The following ARID1A variants were observed in gnomAD, a reference collection of about 807,000 sequenced individuals.
ARID1A encodes AT-rich interaction domain 1A, also known as AT-rich interactive domain-containing protein 1A.
A neutral mutation model predicts 212.6 loss-of-function variants in ARID1A; 20 were observed. That is an observed-to-expected ratio of 0.09 (90% CI 0.07 to 0.14). The LOEUF is 0.14. ARID1A is among the 10% of genes least tolerant of loss of function. The probability of loss-of-function intolerance (pLI) is 1.00; values close to 1 mark genes in which losing one functional copy is unlikely to be tolerated. For synonymous variants in ARID1A, 1,376 were observed against 1,222.1 expected, an observed-to-expected ratio of 1.13 and a Z score of -2.63; for missense variants, 2,587 against 3,059.0, an observed-to-expected ratio of 0.85 and a Z score of 3.64.
At chr1:26,723,998 AC>A (rs758436076) in intron 1 of ARID1A, among the ~76,000 whole-genome samples, 1 of 152,046 alleles carries the variant, frequency 6.6e-6, no homozygotes, top group Non-Finnish European at 1.5e-5. Flanking sequence ...TTCCTTAACT[AC>A]CGCTCTCTGA....
At chr1:26,737,838 C>A (rs2080748694) in intron 4 of ARID1A, among the ~76,000 whole-genome samples, 1 of 151,118 alleles carries the variant, frequency 6.6e-6, no homozygotes, top group South Asian at 2.1e-4. Flanking sequence ...ACACTCCAGC[C>A]TGGGCTACAA....
At chr1:26,724,466 C>T (rs2080597759) in intron 1 of ARID1A, among the ~76,000 whole-genome samples, 1 of 152,112 alleles carries the variant, frequency 6.6e-6, no homozygotes, top group Non-Finnish European at 1.5e-5. Flanking sequence ...GTGCCACTGC[C>T]ACGGGTGGTA....
chr1:26,771,427 AG>A lies in ARID1A; in HGVS notation c.3406+103del. ...GAGGCTTATCCAACAGGATATGCCA[AG>A]GATCTGTGCTCTGCCTTGCCCTACC... is the stretch of plus-strand genomic sequence containing the variant. On this transcript the variant is annotated intron_variant, in intron 12 of 19. Coordinates refer to ENST00000324856, the MANE Select transcript of ARID1A (RefSeq NM_006015.6). The surrounding 1 kb of genome is among the most constrained non-coding windows in gnomAD (Gnocchi z 5.4). 2 of 1,287,256 alleles carry A rather than the reference AG, an allele frequency of 1.6e-6. No homozygotes were observed. Among genetic ancestry groups the A allele is most frequent in the Non-Finnish European group, 2.2e-6 (2 of 922,366 alleles). The allele number at this position is 1,287,256 out of a possible 1,614,324, so 79.7% of individuals were successfully genotyped here.
Position 26,696,212 on chromosome 1 carries a change from G to A in ARID1A, c.-192G>A, listed in dbSNP as rs1426902297. ...CGCCGCCGCCTCCTCCTCCTCCGCCGCCGCCAGCCCGGAGCCTGAGCCGGC... is the reference window on the plus strand; with the variant it reads ...CGCCGCCGCCTCCTCCTCCTCCGCCACCGCCAGCCCGGAGCCTGAGCCGGC... On this transcript the variant is annotated 5_prime_UTR_variant, in exon 1 of 20. Coordinates refer to ENST00000324856, the MANE Select transcript of ARID1A (RefSeq NM_006015.6). 4 of 779,726 alleles carry A rather than the reference G, an allele frequency of 5.1e-6. No homozygotes were observed. Among genetic ancestry groups the A allele is most frequent in the Admixed American group, 5.0e-5 (1 of 20,124 alleles). 48.3% of individuals were successfully genotyped at this position (779,726 alleles called of 1,614,324 possible). A position where few individuals can be genotyped will look rare whatever the true frequency, so the allele number is the denominator to read the frequency against.
chr1:26,767,739 A>G, intron 10 of ARID1A, 51 bp from the exon 11 acceptor site: 1 of 1,513,466 alleles, frequency 6.6e-7, no homozygotes. Flanking sequence ...GACCCTTAGC[A>G]CAGGCTTTGA....
intron 1 of ARID1A, among the ~76,000 whole-genome samples, chr1:26,700,813 A>G (rs747666008): frequency 2.6e-5 from 4 of 152,242 alleles, no homozygotes; most frequent in Non-Finnish European, 5.9e-5. Flanking sequence ...TCTCTCAAGT[A>G]GGAGGGACCA....
chr1:26,738,760 C>T lies in ARID1A; in HGVS notation c.1920+5968C>T, dbSNP rs745947737. Among the ~76,000 whole-genome samples, 7 of 151,952 alleles carry T rather than the reference C, an allele frequency of 4.6e-5. No individual in the cohort carries two copies. In the South Asian group the frequency reaches 6.2e-4, roughly 14 times the overall value. ...TTTTAGTAGAGACAGGGTTTCACCA[C>T]GTTGGCCAGGCTGGTTTCGAACTCC... is the stretch of plus-strand genomic sequence containing the variant. On this transcript the variant is annotated intron_variant, in intron 4 of 19. Transcript: ENST00000324856.
chr1:26,696,711 C>G lies in ARID1A; in HGVS notation c.308C>G (p.Ser103Trp). 2 of 1,366,908 alleles carry G rather than the reference C, an allele frequency of 1.5e-6. No homozygotes were observed. The highest frequency in any genetic ancestry group is 1.9e-6 in the Non-Finnish European group (2 of 1,060,428). 84.7% of individuals were successfully genotyped at this position (1,366,908 alleles called of 1,614,324 possible). A position where few individuals can be genotyped will look rare whatever the true frequency, so the allele number is the denominator to read the frequency against. The change falls in exon 1 of 20, where the codon TCG (serine) becomes TGG (tryptophan). Residue 103 changes from serine to tryptophan, a missense_variant. Physicochemically the swap from Ser to Trp is radical, Grantham distance 177. Transcript: ENST00000324856. The stretch of plus-strand genomic sequence containing the variant: ...GGCGCGGAGCCGGACCTGAAGAACT[C>G]GAACGGGAACGCGGGCCCTAGGCCC... ...GPGAEPDLKN[S>W]NGNAGPRPAL...
intron 4 of ARID1A, among the ~76,000 whole-genome samples, chr1:26,736,902 CAAA>C (rs35005598): frequency 4.8e-4 from 24 of 49,880 alleles, no homozygotes; most frequent in African/African-American, 8.8e-4. Flanking sequence ...AATTCTGTCT[CAAA>C]AAAAAAAAAA....
At chr1:26,741,104 A>G (rs2080783464) in intron 4 of ARID1A, among the ~76,000 whole-genome samples, 2 of 152,218 alleles carry the variant, frequency 1.3e-5, no homozygotes, top group African/African-American at 2.4e-5. Context: ...TAGTTAAACC[A>G]TAGAATGAAA....
At position 26,774,099 on chromosome 1, in the gene ARID1A, C is replaced by G; in HGVS notation, c.4101+201C>G. 9.2e-7 allele frequency: 1 copy of G among 1,091,608 alleles called. No individual in the cohort carries two copies. The highest frequency in any genetic ancestry group is 3.1e-5 in the Admixed American group (1 of 32,156). 67.6% of individuals were successfully genotyped at this position (1,091,608 alleles called of 1,614,324 possible). On this transcript the variant is annotated intron_variant, in intron 17 of 19. Coordinates refer to ENST00000324856, the MANE Select transcript of ARID1A (RefSeq NM_006015.6). The surrounding 1 kb of genome is among the most constrained non-coding windows in gnomAD (Gnocchi z 5.6). ...GAGTTGGAAGGGGCTAGAAATAGAC[C>G]TTATTTTGATTTTTAGGTTTTGTAT...
At position 26,775,690 on chromosome 1, in the gene ARID1A, A is replaced by G. The variant is rs2081128339; in HGVS notation, c.5107A>G (p.Thr1703Ala). 1.2e-6 allele frequency: 2 copies of G among 1,614,080 alleles called. No homozygotes were observed. Among genetic ancestry groups the G allele is most frequent in the Non-Finnish European group, 1.7e-6 (2 of 1,180,042 alleles). Residue 1703 changes from threonine to alanine, a missense_variant, in exon 19 of 20, where the codon ACC becomes GCC. By Grantham distance (58) the Thr-to-Ala change is moderately conservative (BLOSUM62 0). This residue lies in a region of ARID1A where 890 missense variants were observed against 1,098.2 expected (regional missense o/e 0.81). Coordinates refer to ENST00000324856, the MANE Select transcript of ARID1A (RefSeq NM_006015.6). ...ILLYDDNSIM[T>A]FNLSQLPGLL... ...GCTGTATGATGACAACAGCATCATG[A>G]CCTTCAACCTCAGTCAGGTGAGTAT...
At position 26,697,249 on chromosome 1, in the gene ARID1A, C is replaced by T. The variant is rs1570540399; in HGVS notation, c.846C>T (p.Ala282=). The stretch of plus-strand genomic sequence containing the variant: ...TGGGGGGAGGCGGCCCCTCCGCGGC[C>T]GGCGGGGGAACTCCCCAGCCCACCG... ...GAMGGGGPSA[A]GGGTPQPTAT... Residue 282 remains alanine, a synonymous_variant, in exon 1 of 20, where the codon GCC becomes GCT. Coordinates refer to ENST00000324856, the MANE Select transcript of ARID1A (RefSeq NM_006015.6). The T allele has an allele frequency of 2.2e-6, 3 of 1,372,370 alleles. No individual in the cohort carries two copies. The highest frequency in any genetic ancestry group is 3.0e-5 in the East Asian group (1 of 33,072). The allele number at this position is 1,372,370 out of a possible 1,614,324, so 85.0% of individuals were successfully genotyped here.
In ARID1A at chr1:26,697,459, G is replaced by C. The variant is rs767086782; in HGVS notation, c.1056G>C (p.Gly352=). The change falls in exon 1 of 20, where the codon GGG becomes GGC. Residue 352 remains glycine (G), a synonymous_variant. Coordinates refer to ENST00000324856, the MANE Select transcript of ARID1A (RefSeq NM_006015.6). ...CTGCGGCGGCGGCCGCCTCGGGAGG[G>C]GCCCAACAAAGGAGCCACCACGCGC... The part of the protein sequence containing the change: ...AAAAAAAASG[G]AQQRSHHAPM... 5 of 1,381,948 alleles carry C rather than the reference G, an allele frequency of 3.6e-6. No individual in the cohort carries two copies. The highest frequency in any genetic ancestry group is 4.6e-6 in the Non-Finnish European group (5 of 1,077,592). 85.6% of individuals were successfully genotyped at this position (1,381,948 alleles called of 1,614,324 possible). A position where few individuals can be genotyped will look rare whatever the true frequency, so the allele number is the denominator to read the frequency against.
At position 26,697,545 on chromosome 1, in the gene ARID1A, A is replaced by G; in HGVS notation, c.1137+5A>G. The G allele has an allele frequency of 7.3e-7, 1 of 1,363,024 alleles. No homozygotes were observed. Among genetic ancestry groups the G allele is most frequent in the Non-Finnish European group, 9.4e-7 (1 of 1,067,732 alleles). 84.4% of individuals were successfully genotyped at this position (1,363,024 alleles called of 1,614,324 possible). A position where few individuals can be genotyped will look rare whatever the true frequency, so the allele number is the denominator to read the frequency against. On this transcript the variant is annotated splice_donor_5th_base_variant and intron_variant, in intron 1 of 19. Transcript: ENST00000324856. ...CCGCTCGCCCGGACCCCTCAGGTAC[A>G]CAGCTGAGTGGGGAGGGGGCTGGGG...
Position 26,780,904 on chromosome 1 carries a change from G to GT in ARID1A, c.*151dup. ...TCTCCCTTGGGAAAAAGTCTCTCCTGTTTCTCTCTCCTCCTTCCACCTCCC... is the reference window on the plus strand; with the variant it reads ...TCTCCCTTGGGAAAAAGTCTCTCCTGTTTTCTCTCTCCTCCTTCCACCTCCC... On this transcript the variant is annotated 3_prime_UTR_variant, in exon 20 of 20. Transcript: ENST00000324856. This position sits in a 1 kb window ranked among gnomAD's most constrained non-coding sequence, Gnocchi z 7.2. 1 of 1,165,898 alleles carries GT rather than the reference G, an allele frequency of 8.6e-7. No homozygotes were observed. The highest frequency in any genetic ancestry group is 2.5e-5 in the East Asian group (1 of 39,648). 72.2% of individuals were successfully genotyped at this position (1,165,898 alleles called of 1,614,324 possible).
intron 1 of ARID1A, among the ~76,000 whole-genome samples, chr1:26,711,539 T>C (rs1397136110): frequency 6.6e-6 from 1 of 152,156 alleles, no homozygotes; most frequent in Non-Finnish European, 1.5e-5. Context: ...CGTTGGAGGT[T>C]AGGGCTTCAA....
At chr1:26,725,564 G>C (rs1224822817) in intron 1 of ARID1A, among the ~76,000 whole-genome samples, 1 of 152,176 alleles carries the variant, frequency 6.6e-6, no homozygotes, top group Non-Finnish European at 1.5e-5. Context: ...AGCCTTTTGT[G>C]ATGGGAGGGA....
intron 8 of ARID1A, chr1:26,764,172 C>G (rs1482648679): frequency 6.6e-6 from 1 of 151,790 alleles, no homozygotes; most frequent in Non-Finnish European, 1.5e-5. Context: ...ACCATGTTAG[C>G]CAGGCTGGTC....
Sources: gnomAD v4.1 joint callset for allele counts (sites outside exome capture counted in the v4.1 genomes callset) on GRCh38, gnomAD v4.1.1 for gene constraint, gnomAD v4.1.1 regional missense constraint, Gnocchi (gnomAD v3.1) non-coding constraint, MANE v1.5 for transcripts, NCBI Gene and HGNC (gene_info 2026-07-23, HGNC 2026-07-21) for gene names.